The following FOXN3 variants were observed in gnomAD, a reference collection of about 807,000 sequenced individuals.
FOXN3 encodes forkhead box protein N3.
A neutral mutation model predicts 38.4 loss-of-function variants in FOXN3; 7 were observed. That is an observed-to-expected ratio of 0.18 (90% confidence interval 0.10 to 0.34). The LOEUF is 0.34. Among genes scored for constraint, FOXN3 ranks in the 10% least tolerant of loss-of-function variants. The probability of loss-of-function intolerance (pLI) is 1.00; values close to 1 mark genes in which losing one functional copy is unlikely to be tolerated. For synonymous variants in FOXN3, 230 were observed against 242.2 expected (o/e 0.95, Z 0.47); for missense variants, 456 against 613.4 (o/e 0.74, Z 2.71).
intron 2 of FOXN3, among the ~76,000 whole-genome samples, chr14:89,390,432 C>G (rs1278517363): frequency 6.9e-6 from 1 of 144,622 alleles, no homozygotes; most frequent in Non-Finnish European, 1.5e-5. Flanking sequence ...CAGTGAAATC[C>G]ACTAATGTAT....
chr14:89,363,988 A>ATT lies in FOXN3; in HGVS notation c.544-13181_544-13180insAA, dbSNP rs1420813459. ...TATATATATATATATATATATATAT[A>ATT]ATATATATATATATTCTTCCATATC... On this transcript the variant is annotated intron_variant, in intron 2 of 5. Transcript: ENST00000557258. Among the ~76,000 whole-genome samples, 15 of 52,066 alleles carry ATT rather than the reference A, an allele frequency of 2.9e-4. 1 individual carries two copies. The highest frequency in any genetic ancestry group is 1.3e-3 in the African/African-American group (15 of 11,268). 34.2% of individuals were successfully genotyped at this position (52,066 alleles called of 152,430 possible).
intron 4 of FOXN3, among the ~76,000 whole-genome samples, chr14:89,191,494 T>A (rs1220288356): frequency 6.6e-6 from 1 of 152,210 alleles, no homozygotes; most frequent in Non-Finnish European, 1.5e-5. Flanking sequence ...ACCCAATGAC[T>A]AATGATGGGG....
intron 4 of FOXN3, among the ~76,000 whole-genome samples, chr14:89,215,010 C>T (rs370845931): frequency 7.9e-5 from 12 of 152,174 alleles, no homozygotes; most frequent in South Asian, 6.2e-4. Context: ...GTACATTAGG[C>T]GAGGGTAGTA....
chr14:89,469,283 G>A (rs1297246210), intron 1 of FOXN3, among the ~76,000 whole-genome samples: 2 of 152,060 alleles, frequency 1.3e-5, no homozygotes, highest in Admixed American at 1.3e-4. Flanking sequence ...GACAGCCATC[G>A]GCCAATCCCT....
intron 1 of FOXN3, among the ~76,000 whole-genome samples, chr14:89,499,164 C>A (rs1414745417): frequency 6.6e-6 from 1 of 152,138 alleles, no homozygotes; most frequent in Non-Finnish European, 1.5e-5. Flanking sequence ...CCCCACCCTG[C>A]CTGTCAGGGT....
At chr14:89,556,293 C>T (rs1047799330) in intron 1 of FOXN3, among the ~76,000 whole-genome samples, 5 of 151,888 alleles carry the variant, frequency 3.3e-5, no homozygotes, top group Non-Finnish European at 7.4e-5. Flanking sequence ...ATCCCACCTA[C>T]TCGGGAGGCT....
chr14:89,534,209 A>T (rs762669670), intron 1 of FOXN3, among the ~76,000 whole-genome samples: 7 of 147,992 alleles, frequency 4.7e-5, no homozygotes, highest in Non-Finnish European at 1.0e-4. Context: ...GGGTTCAAGC[A>T]ATTCTCCTAC....
At chr14:89,330,488 T>C (rs1414142054) in intron 3 of FOXN3, among the ~76,000 whole-genome samples, 3 of 152,204 alleles carry the variant, frequency 2.0e-5, no homozygotes, top group Non-Finnish European at 4.4e-5. Context: ...CGTGAATCAC[T>C]GTAACTTGTG....
rs565749883 is a variant in FOXN3, at chr14:89,413,741, A to G, written c.-14-1251T>C. 4.7e-5 allele frequency among the ~76,000 whole-genome samples: 6 copies of G among 127,870 alleles called. No individual in the cohort carries two copies. In the South Asian group the frequency reaches 2.0e-3, roughly 42 times the overall value. 83.9% of individuals were successfully genotyped at this position (127,870 alleles called of 152,430 possible). The stretch of plus-strand genomic sequence containing the variant: ...GAAGAGAAGGGGGAAGGGAAGGGAG[A>G]AGGGAAGGGAAGGAAGAAGGGAAAG... On this transcript the variant is annotated intron_variant, in intron 1 of 5. Coordinates refer to ENST00000557258, the MANE Select transcript of FOXN3 (RefSeq NM_005197.4).
At chr14:89,536,374 C>T (rs1283443625) in intron 1 of FOXN3, among the ~76,000 whole-genome samples, 2 of 152,200 alleles carry the variant, frequency 1.3e-5, no homozygotes, top group Non-Finnish European at 2.9e-5. Flanking sequence ...TGAGTACACA[C>T]TAGCTATTTT....
chr14:89,187,523 G>T (rs756292510), intron 4 of FOXN3, among the ~76,000 whole-genome samples: 1 of 152,218 alleles, frequency 6.6e-6, no homozygotes, highest in Non-Finnish European at 1.5e-5. Flanking sequence ...CACAGGAATA[G>T]CCTCTCACTT....
intron 3 of FOXN3, among the ~76,000 whole-genome samples, chr14:89,340,306 T>G (rs1157598821): frequency 1.3e-5 from 2 of 152,152 alleles, no homozygotes; most frequent in Non-Finnish European, 2.9e-5. Context: ...AAACTTTCCA[T>G]TTAAAAGTAA....
At chr14:89,262,365 G>C (rs1324798210) in intron 4 of FOXN3, among the ~76,000 whole-genome samples, 1 of 152,228 alleles carries the variant, frequency 6.6e-6, no homozygotes, top group African/African-American at 2.4e-5. Flanking sequence ...GCAAACTGGA[G>C]GCCAGTGTGA....
intron 1 of FOXN3, among the ~76,000 whole-genome samples, chr14:89,503,495 G>C (rs1785399924): frequency 1.3e-5 from 2 of 152,200 alleles, no homozygotes; most frequent in Admixed American, 1.3e-4. Context: ...AGACATCTGA[G>C]TGAAAAAATA....
rs1236510048 is a variant in FOXN3 at position 89,412,341 on chromosome 14, G to T, written c.136C>A (p.Pro46Thr). The T allele has an allele frequency of 6.2e-7, 1 of 1,614,136 alleles. No individual in the cohort carries two copies. The highest frequency in any genetic ancestry group is 8.5e-7 in the Non-Finnish European group (1 of 1,180,028). Reference sequence around the variant, plus strand: ...GCCCCCTCTTCTAATCGGATGTCAGGCAGAGAAAAGTCGAGGTCATCGTCT... The same window carrying T: ...GCCCCCTCTTCTAATCGGATGTCAGTCAGAGAAAAGTCGAGGTCATCGTCT... The part of the protein sequence containing the change: ...QEDDDLDFSL[P>T]DIRLEEGAME... The change falls in exon 2 of 6, where the codon CCT becomes ACT. Residue 46 changes from proline to threonine, a missense_variant. Transcript: ENST00000557258. The surrounding 1 kb of genome is among the most constrained non-coding windows in gnomAD (Gnocchi z 4.7).
chr14:89,500,354 AG>A (rs1893770586), intron 1 of FOXN3, among the ~76,000 whole-genome samples: 1 of 152,176 alleles, frequency 6.6e-6, no homozygotes, highest in Non-Finnish European at 1.5e-5. Context: ...CAGAAGTCTG[AG>A]GACCACTCAC....
At chr14:89,315,699 C>T (rs759457281) in intron 3 of FOXN3, among the ~76,000 whole-genome samples, 5 of 152,190 alleles carry the variant, frequency 3.3e-5, no homozygotes, top group Non-Finnish European at 5.9e-5. Flanking sequence ...GAAAGATCTG[C>T]GTGGGCTATA....
In FOXN3 at chr14:89,158,103, A is replaced by T; in HGVS notation, c.*4311T>A. 1 of 152,282 alleles carries T rather than the reference A, an allele frequency of 6.6e-6. No homozygotes were observed. Among genetic ancestry groups the T allele is most frequent in the East Asian group, 1.9e-4 (1 of 5,204 alleles). The allele number at this position is 152,282 out of a possible 1,614,324, so 9.4% of individuals were successfully genotyped here. ...AAAGCTTCCCATTTAGGTCACTTGT[A>T]CGTAACTCCAATTCCTTCTCCAAGA... On this transcript the variant is annotated 3_prime_UTR_variant, in exon 6 of 6. Coordinates refer to ENST00000557258, the MANE Select transcript of FOXN3 (RefSeq NM_005197.4).
intron 1 of FOXN3, among the ~76,000 whole-genome samples, chr14:89,567,107 T>C (rs1290614719): frequency 6.6e-6 from 1 of 152,232 alleles, no homozygotes; most frequent in Non-Finnish European, 1.5e-5. Context: ...TCCCTAAAAC[T>C]ACTCTTTCAT....
Sources: gnomAD v4.1 joint callset for allele counts (sites outside exome capture counted in the v4.1 genomes callset) on GRCh38, gnomAD v4.1.1 for gene constraint, Gnocchi (gnomAD v3.1) non-coding constraint, MANE v1.5 for transcripts, NCBI Gene and HGNC (gene_info 2026-07-23, HGNC 2026-07-21) for gene names.